Variants in CNTN5 observed in about 807,000 individuals in gnomAD.
CNTN5 encodes contactin-5.
CNTN5 carries 77 observed loss-of-function variants against 129.1 expected under a neutral mutation model. That is an observed-to-expected ratio of 0.60 (90% CI 0.50 to 0.72). CNTN5 has a LOEUF of 0.72. Among genes scored for constraint, CNTN5 ranks in the 30% least tolerant of loss-of-function variants. The pLI, the probability that CNTN5 is intolerant of heterozygous loss-of-function variation, is 0.00. For synonymous variants in CNTN5, 509 were observed against 465.6 expected (o/e 1.09, Z -1.20); for missense variants, 1,478 against 1,328.8 (o/e 1.11, Z -1.75).
intron 13 of CNTN5, among the ~76,000 whole-genome samples, chr11:100,082,652 G>A (rs1944408583): frequency 6.6e-6 from 1 of 152,138 alleles, no homozygotes; most frequent in South Asian, 2.1e-4. Flanking sequence ...TAAAATAATG[G>A]TATATTATCA....
intron 13 of CNTN5, among the ~76,000 whole-genome samples, chr11:100,187,528 A>G (rs570897896): frequency 3.3e-5 from 5 of 152,228 alleles, no homozygotes; most frequent in Non-Finnish European, 5.9e-5. Flanking sequence ...GCATCATATT[A>G]CAGGGCTTCA....
chr11:99,434,445 G>T (rs189330027), intron 2 of CNTN5, among the ~76,000 whole-genome samples: 69 of 152,216 alleles, frequency 4.5e-4, no homozygotes, highest in African/African-American at 1.6e-3. Context: ...TGTAGGTAAA[G>T]CTAAATCATT....
rs1300824242 is a variant in CNTN5 at position 99,958,694 on chromosome 11, A to G, written c.877+1685A>G. ...GCAGTTTTACAGTTTATCTAATTAA[A>G]AGCTTTGAATTAATTCTCTATAAGC... On this transcript the variant is annotated intron_variant, in intron 8 of 24. Transcript: ENST00000524871. Among the ~76,000 whole-genome samples, 9 of 152,162 alleles carry G rather than the reference A, an allele frequency of 5.9e-5. No homozygotes were observed. The East Asian group carries it at 1.7e-3, about 29-fold the overall frequency.
intron 2 of CNTN5, among the ~76,000 whole-genome samples, chr11:99,479,701 C>T (rs762779914): frequency 5.3e-5 from 8 of 151,836 alleles, no homozygotes; most frequent in Non-Finnish European, 1.2e-4. Flanking sequence ...GAACAGGCTC[C>T]GGTTCTCTAA....
intron 9 of CNTN5, among the ~76,000 whole-genome samples, chr11:100,033,298 C>G (rs1941817927): frequency 6.6e-6 from 1 of 152,112 alleles, no homozygotes; most frequent in South Asian, 2.1e-4. Flanking sequence ...GGAAATAAAA[C>G]AGAGTAAAAT....
At chr11:99,998,364 GACAA>G (rs1939603033) in intron 8 of CNTN5, among the ~76,000 whole-genome samples, 1 of 138,528 alleles carries the variant, frequency 7.2e-6, no homozygotes, top group African/African-American at 2.8e-5. Flanking sequence ...ACCAATAACA[GACAA>G]ACAGAGAGCC....
chr11:99,277,964 T>C (rs1014181577), intron 1 of CNTN5, among the ~76,000 whole-genome samples: 2 of 151,708 alleles, frequency 1.3e-5, no homozygotes, highest in Non-Finnish European at 2.9e-5. Context: ...TTCTGATTAT[T>C]GAGGTCAATT....
At chr11:100,331,921 C>G (rs1376692911) in intron 21 of CNTN5, among the ~76,000 whole-genome samples, 2 of 151,876 alleles carry the variant, frequency 1.3e-5, no homozygotes, top group Non-Finnish European at 2.9e-5. Flanking sequence ...GGTCACACTT[C>G]AGAGAACTGA....
chr11:99,137,357 A>G (rs950733496), intron 1 of CNTN5, among the ~76,000 whole-genome samples: 2 of 152,162 alleles, frequency 1.3e-5, no homozygotes, highest in African/African-American at 2.4e-5. Context: ...GATCCATTAG[A>G]ACTGTTTCTG....
intron 16 of CNTN5, among the ~76,000 whole-genome samples, chr11:100,233,773 TA>T (rs1270033629): frequency 6.6e-6 from 1 of 152,062 alleles, no homozygotes; most frequent in Non-Finnish European, 1.5e-5. Context: ...TTTGGTGTTT[TA>T]GTCAAAAAGT....
intron 3 of CNTN5, among the ~76,000 whole-genome samples, chr11:99,599,677 T>C (rs182138647): frequency 3.3e-5 from 5 of 152,158 alleles, no homozygotes; most frequent in Admixed American, 3.3e-4. Context: ...ACCAAATTCT[T>C]TGTGCAAATG....
intron 1 of CNTN5, among the ~76,000 whole-genome samples, chr11:99,123,485 G>C (rs1591232058): frequency 6.6e-6 from 1 of 152,088 alleles, no homozygotes; most frequent in African/African-American, 2.4e-5. Flanking sequence ...CTGCCATTCT[G>C]TAGGTTTTCT....
intron 16 of CNTN5, among the ~76,000 whole-genome samples, chr11:100,240,919 T>C (rs1949727499): frequency 6.6e-6 from 1 of 152,208 alleles, no homozygotes; most frequent in African/African-American, 2.4e-5. Flanking sequence ...AATAAGTGAA[T>C]AGTGAGACTG....
intron 7 of CNTN5, among the ~76,000 whole-genome samples, chr11:99,943,320 C>A (rs1051541472): frequency 6.6e-6 from 1 of 152,006 alleles, no homozygotes; most frequent in East Asian, 1.9e-4. Flanking sequence ...GTTTGTTGGC[C>A]GCATAAATGT....
At chr11:100,264,899 T>G (rs1328838476) in intron 17 of CNTN5, among the ~76,000 whole-genome samples, 1 of 152,190 alleles carries the variant, frequency 6.6e-6, no homozygotes, top group Non-Finnish European at 1.5e-5. Context: ...CATCTGTTTT[T>G]TCTTGACTTT....
chr11:99,238,127 G>A (rs566899886), intron 1 of CNTN5, among the ~76,000 whole-genome samples: 7 of 152,134 alleles, frequency 4.6e-5, no homozygotes, highest in Non-Finnish European at 5.9e-5. Flanking sequence ...AGAAAGCACT[G>A]CATCTTTTTA....
intron 3 of CNTN5, among the ~76,000 whole-genome samples, chr11:99,813,862 AT>A (rs925938801): frequency 1.3e-5 from 2 of 152,136 alleles, no homozygotes; most frequent in African/African-American, 4.8e-5. Context: ...TATCTTGGTA[AT>A]TTTTATCTTT....
In CNTN5 at chr11:99,848,953, A is replaced by G. The variant is rs138013013; in HGVS notation, c.577+3691A>G. ...CCATTATTATTGTTATATCAATGAT[A>G]CTTTCTAAATCTTCACCTTTTACTT... On this transcript the variant is annotated intron_variant, in intron 6 of 24. Transcript: ENST00000524871. 4.4e-3 allele frequency among the ~76,000 whole-genome samples: 677 copies of G among 152,300 alleles called. 3 individuals are homozygous for G. The highest frequency in any genetic ancestry group is 0.014 in the African/African-American group (570 of 41,584).
chr11:99,666,410 G>A (rs1292618573), intron 3 of CNTN5, among the ~76,000 whole-genome samples: 1 of 152,150 alleles, frequency 6.6e-6, no homozygotes, highest in Non-Finnish European at 1.5e-5. Context: ...TTAGAAATGA[G>A]CAAAGAGACT....
Sources: allele counts gnomAD v4.1 joint callset (sites outside exome capture counted in the v4.1 genomes callset), GRCh38; gene constraint gnomAD v4.1.1; transcripts MANE v1.5; gene names NCBI Gene and HGNC (gene_info 2026-07-23, HGNC 2026-07-21).